The following GALNT13 variants were observed in gnomAD, a reference collection of about 807,000 sequenced individuals.
GALNT13 encodes UDP-GalNAc:polypeptide N-acetylgalactosaminyltransferase 13.
A neutral mutation model predicts 64.2 loss-of-function variants in GALNT13; 28 were observed. The observed-to-expected ratio is 0.44, with a 90% CI of 0.32 to 0.60. The LOEUF is 0.60. Among genes scored for constraint, GALNT13 ranks in the 20% least tolerant of loss-of-function variants. GALNT13 has a pLI of 0.05. For synonymous variants in GALNT13, 214 were observed against 224.6 expected, an observed-to-expected ratio of 0.95 and a Z score of 0.42; for missense variants, 577 against 669.8, an observed-to-expected ratio of 0.86 and a Z score of 1.53.
intron 11 of GALNT13, among the ~76,000 whole-genome samples, chr2:154,424,536 T>G (rs1312587688): frequency 6.6e-6 from 1 of 152,140 alleles, no homozygotes; most frequent in Admixed American, 6.5e-5. Context: ...TCTGGGGGTC[T>G]TTTAACCAAA....
intron 3 of GALNT13, among the ~76,000 whole-genome samples, chr2:153,957,636 T>G (rs1407478547): frequency 6.6e-6 from 1 of 152,294 alleles, no homozygotes; most frequent in Non-Finnish European, 1.5e-5. Context: ...GGCAGGCAAG[T>G]TGGGGGCTCT....
intron 9 of GALNT13, among the ~76,000 whole-genome samples, chr2:154,332,667 G>C (rs1443960217): frequency 6.6e-6 from 1 of 152,056 alleles, no homozygotes; most frequent in Non-Finnish European, 1.5e-5. Context: ...CCGGCTATGT[G>C]AGCTGGTTGC....
the GALNT13 span, among the ~76,000 whole-genome samples, chr2:153,791,108 T>C: frequency 2.0e-5 from 3 of 152,168 alleles, no homozygotes; most frequent in African/African-American, 7.2e-5. Flanking sequence ...AGAAAATATT[T>C]GCAAACTATC....
chr2:154,142,549 CAAA>C (rs71396392), intron 4 of GALNT13, among the ~76,000 whole-genome samples: 3 of 66,490 alleles, frequency 4.5e-5, no homozygotes, highest in South Asian at 6.3e-4. Flanking sequence ...AACTCTGTCT[CAAA>C]AAAAAAAAAA....
intron 1 of GALNT13, among the ~76,000 whole-genome samples, chr2:153,877,533 T>A (rs1036607645): frequency 2.6e-5 from 4 of 152,284 alleles, no homozygotes; most frequent in Middle Eastern, 3.4e-3. Flanking sequence ...TTAATTGCCT[T>A]GATATTACAA....
intron 1 of GALNT13, among the ~76,000 whole-genome samples, chr2:153,886,860 A>C (rs945610739): frequency 1.3e-5 from 2 of 152,030 alleles, no homozygotes; most frequent in African/African-American, 4.8e-5. Flanking sequence ...TCTTCATTCT[A>C]AGATAAGATA....
chr2:153,220,029 G>A, the GALNT13 span, among the ~76,000 whole-genome samples: 1 of 152,194 alleles, frequency 6.6e-6, no homozygotes, highest in South Asian at 2.1e-4. Context: ...TTGACTCTGA[G>A]ATAAAAGTAA....
chr2:153,098,814 G>A, the GALNT13 span, among the ~76,000 whole-genome samples: 2 of 152,146 alleles, frequency 1.3e-5, no homozygotes, highest in East Asian at 1.9e-4. Context: ...GTCATAGAAT[G>A]TGTGTAATTT....
intron 3 of GALNT13, among the ~76,000 whole-genome samples, chr2:154,080,195 T>A (rs1314894375): frequency 6.6e-6 from 1 of 151,656 alleles, no homozygotes; most frequent in East Asian, 1.9e-4. Flanking sequence ...CTGCTTTAGT[T>A]GCATCCTTTA....
At chr2:154,291,607 G>A (rs150105193) in intron 8 of GALNT13, among the ~76,000 whole-genome samples, 6 of 152,248 alleles carry the variant, frequency 3.9e-5, no homozygotes, top group South Asian at 4.1e-4. Flanking sequence ...GGGGCCCACC[G>A]AACCCATGCC....
chr2:154,121,599 T>C (rs767483762), intron 3 of GALNT13, among the ~76,000 whole-genome samples: 4 of 152,152 alleles, frequency 2.6e-5, no homozygotes, highest in Non-Finnish European at 5.9e-5. Flanking sequence ...TTGTTAAATA[T>C]TAAGAGTACA....
chr2:153,322,381 T>C, the GALNT13 span, among the ~76,000 whole-genome samples: 1 of 152,276 alleles, frequency 6.6e-6, no homozygotes, highest in South Asian at 2.1e-4. Context: ...CCGTGGCATA[T>C]ATGTATCATG....
the GALNT13 span, among the ~76,000 whole-genome samples, chr2:153,257,304 C>A: frequency 6.6e-6 from 1 of 152,126 alleles, no homozygotes; most frequent in Admixed American, 6.5e-5. Flanking sequence ...CCTCGCCCTG[C>A]TTCGGCTCGT....
chr2:153,942,658 C>T (rs1165095557), intron 2 of GALNT13, among the ~76,000 whole-genome samples: 3 of 151,234 alleles, frequency 2.0e-5, no homozygotes, highest in African/African-American at 7.3e-5. Flanking sequence ...CCCCAAATGT[C>T]ATGTATTCTT....
intron 3 of GALNT13, among the ~76,000 whole-genome samples, chr2:154,028,245 A>G (rs1282228879): frequency 6.6e-6 from 1 of 152,176 alleles, no homozygotes; most frequent in African/African-American, 2.4e-5. Flanking sequence ...CTCATAGTAC[A>G]TTAAGGCTTA....
the GALNT13 span, among the ~76,000 whole-genome samples, chr2:153,766,056 A>G: frequency 6.6e-6 from 1 of 152,220 alleles, no homozygotes; most frequent in Non-Finnish European, 1.5e-5. Context: ...AGAACAGACT[A>G]ATACACTTAG....
the GALNT13 span, among the ~76,000 whole-genome samples, chr2:153,069,273 T>C: frequency 6.6e-6 from 1 of 152,326 alleles, no homozygotes; most frequent in East Asian, 1.9e-4. Context: ...TTGTCCTTTC[T>C]ATAATACCTA....
chr2:153,312,777 G>A, the GALNT13 span, among the ~76,000 whole-genome samples: 1 of 152,142 alleles, frequency 6.6e-6, no homozygotes, highest in Non-Finnish European at 1.5e-5. Flanking sequence ...CGTTGAGGTG[G>A]TGGTATGTTC....
At chr2:153,409,247 T>C in the GALNT13 span, among the ~76,000 whole-genome samples, 15 of 150,844 alleles carry the variant, frequency 9.9e-5, no homozygotes, top group South Asian at 8.3e-4. Flanking sequence ...ATCATGTGAG[T>C]CAATTCTCCT....
Sources: gnomAD v4.1 joint callset for allele counts (sites outside exome capture counted in the v4.1 genomes callset) on GRCh38, gnomAD v4.1.1 for gene constraint, MANE v1.5 for transcripts, NCBI Gene and HGNC (gene_info 2026-07-23, HGNC 2026-07-21) for gene names.